The following EPS15 variants were observed in gnomAD, a reference collection of about 807,000 sequenced individuals.
The protein encoded by EPS15 is epidermal growth factor receptor pathway substrate 15.
In EPS15, 72 loss-of-function variants were observed where a neutral mutation model predicts 113.8. The observed-to-expected ratio is 0.63, with a 90% confidence interval of 0.52 to 0.77. The LOEUF (loss-of-function observed/expected upper bound fraction) is 0.77, where lower values mean the gene tolerates loss of function less well. Ranked by LOEUF, EPS15 falls within the 30% of genes least tolerant of loss-of-function variation. The probability of loss-of-function intolerance (pLI) is 0.00; values close to 1 mark genes in which losing one functional copy is unlikely to be tolerated. For synonymous variants in EPS15, 344 were observed against 363.4 expected (o/e 0.95, Z 0.61); for missense variants, 1,048 against 1,045.8 (o/e 1.00, Z -0.03).
chr1:51,513,065 A>C (rs1477979576), intron 1 of EPS15, among the ~76,000 whole-genome samples: 1 of 152,022 alleles, frequency 6.6e-6, no homozygotes, highest in African/African-American at 2.4e-5. Flanking sequence ...TCTTGGCTTC[A>C]ATCAATCCTT....
At chr1:51,518,891 G>A (rs1399235773) in intron 1 of EPS15, among the ~76,000 whole-genome samples, 1 of 151,604 alleles carries the variant, frequency 6.6e-6, no homozygotes, top group African/African-American at 2.4e-5. Flanking sequence ...GAGCCGGCCC[G>A]GCACCGGCAG....
At chr1:51,435,153 A>T (rs1283306360) in intron 12 of EPS15, among the ~76,000 whole-genome samples, 1 of 151,814 alleles carries the variant, frequency 6.6e-6, no homozygotes, top group Non-Finnish European at 1.5e-5. Context: ...AGGATTCAAA[A>T]ACCTTTTATA....
At chr1:51,385,892 A>G (rs1348530731) in intron 21 of EPS15, among the ~76,000 whole-genome samples, 1 of 152,084 alleles carries the variant, frequency 6.6e-6, no homozygotes, top group Admixed American at 6.6e-5. Flanking sequence ...GAGGATAGGG[A>G]GTTATTATTT....
chr1:51,427,212 G>C (rs1453372204), intron 12 of EPS15, among the ~76,000 whole-genome samples: 2 of 152,134 alleles, frequency 1.3e-5, no homozygotes, highest in Non-Finnish European at 2.9e-5. Flanking sequence ...AGTTTCTGCA[G>C]CTATAAAATG....
At chr1:51,459,994 T>C (rs1286508669) in intron 8 of EPS15, among the ~76,000 whole-genome samples, 2 of 151,890 alleles carry the variant, frequency 1.3e-5, no homozygotes, top group Non-Finnish European at 2.9e-5. Flanking sequence ...TTAAACATCA[T>C]TAAATTAAAA....
At chr1:51,357,412 ATATATATATATATATTTT>A (rs1198430158) in intron 24 of EPS15, among the ~76,000 whole-genome samples, 2 of 59,292 alleles carry the variant, frequency 3.4e-5, no homozygotes, top group Non-Finnish European at 5.9e-5. Context: ...ATATATATAT[ATATATATATATATATTTT>A]TTTTTTTTAA....
intron 2 of EPS15, among the ~76,000 whole-genome samples, chr1:51,479,700 T>G (rs1643985212): frequency 6.6e-6 from 1 of 152,250 alleles, no homozygotes; most frequent in South Asian, 2.1e-4. Context: ...TTTGTTTTTC[T>G]TCTTAGGATG....
intron 11 of EPS15, among the ~76,000 whole-genome samples, chr1:51,443,821 T>G (rs1044032462): frequency 1.3e-5 from 2 of 151,956 alleles, no homozygotes; most frequent in Non-Finnish European, 2.9e-5. Context: ...CCTGGCTAAT[T>G]TTTTTGTTTT....
At position 51,447,013 on chromosome 1, in the gene EPS15, G is replaced by A. The variant is rs1653112752; in HGVS notation, c.744C>T (p.Val248=). The A allele has an allele frequency of 6.2e-7, 1 of 1,613,210 alleles. No individual in the cohort carries two copies. The highest frequency in any genetic ancestry group is 1.1e-5 in the South Asian group (1 of 91,050). ...AACCTGTTTTCAAGAATATTTCACG[G>A]ACCTCCAATCCAGACACAAATCCGT... ...DMDGFVSGLE[V]REIFLKTGLP... Residue 248 remains valine, a synonymous_variant, in exon 10 of 25, where the codon GTC becomes GTT. Coordinates refer to ENST00000371733, the MANE Select transcript of EPS15 (RefSeq NM_001981.3).
At chr1:51,451,505 A>AAAAAGAAAGAAAGAAAG (rs763389428) in intron 8 of EPS15, among the ~76,000 whole-genome samples, 9 of 147,554 alleles carry the variant, frequency 6.1e-5, no homozygotes, top group African/African-American at 2.3e-4. Flanking sequence ...AAAAAAAAAA[A>AAAAAGAAAGAAAGAAAG]AAAGAAAGAA....
rs539991657 is a variant in EPS15, at chr1:51,408,933, G to A, written c.1276-601C>T. Reference sequence around the variant, plus strand: ...TCCTGGCTCAGCCTGCCGAGTAGCTGGGACTACAGGCACCCGCCACCGCCC... The same window carrying A: ...TCCTGGCTCAGCCTGCCGAGTAGCTAGGACTACAGGCACCCGCCACCGCCC... On this transcript the variant is annotated intron_variant, in intron 14 of 24. Transcript: ENST00000371733. 9.9e-5 allele frequency among the ~76,000 whole-genome samples: 15 copies of A among 151,956 alleles called. No individual in the cohort carries two copies. The Middle Eastern group carries it at 0.01, about 103-fold the overall frequency.
intron 21 of EPS15, among the ~76,000 whole-genome samples, chr1:51,391,957 C>T (rs1162893214): frequency 6.6e-6 from 1 of 152,034 alleles, no homozygotes; most frequent in East Asian, 1.9e-4. Context: ...GAAAAATGAG[C>T]CTGGGGTTCA....
intron 7 of EPS15, among the ~76,000 whole-genome samples, chr1:51,461,564 T>C (rs955824726): frequency 6.8e-6 from 1 of 146,562 alleles, no homozygotes; most frequent in Non-Finnish European, 1.5e-5. Context: ...TGTTGAGAGT[T>C]AAAAATGGAG....
At position 51,503,739 on chromosome 1, in the gene EPS15, A is replaced by G. The variant is rs978972823; in HGVS notation, c.33+15460T>C. Among the ~76,000 whole-genome samples the G allele has an allele frequency of 2.0e-5, 3 of 152,256 alleles. No homozygotes were observed. In the South Asian group the frequency reaches 6.2e-4, roughly 32 times the overall value. On this transcript the variant is annotated intron_variant, in intron 1 of 24. Transcript: ENST00000371733. ...TACTCAAGACAGTGTTGTACTGCAC[A>G]GGACATATAGATCAATGGAACAGAA... is the stretch of plus-strand genomic sequence containing the variant.
At chr1:51,413,513 G>C (rs1400418223) in intron 13 of EPS15, among the ~76,000 whole-genome samples, 1 of 152,170 alleles carries the variant, frequency 6.6e-6, no homozygotes, top group Non-Finnish European at 1.5e-5. Context: ...CTGACAGAAA[G>C]AAAAGACTTA....
At chr1:51,451,505 A>AAAAG (rs1553128773) in intron 8 of EPS15, among the ~76,000 whole-genome samples, 22 of 147,556 alleles carry the variant, frequency 1.5e-4, no homozygotes, top group Admixed American at 6.1e-4. Context: ...AAAAAAAAAA[A>AAAAG]AAAGAAAGAA....
intron 21 of EPS15, among the ~76,000 whole-genome samples, chr1:51,380,064 A>G (rs935080149): frequency 2.0e-5 from 3 of 151,722 alleles, no homozygotes; most frequent in Non-Finnish European, 2.9e-5. Context: ...CAGGAAAAAA[A>G]AAAAAAAAAA....
chr1:51,477,193 T>C (rs1279203458), intron 2 of EPS15, among the ~76,000 whole-genome samples: 1 of 152,182 alleles, frequency 6.6e-6, no homozygotes, highest in Admixed American at 6.5e-5. Flanking sequence ...GAGGGTGTAG[T>C]GTCCAGGAAT....
intron 2 of EPS15, among the ~76,000 whole-genome samples, chr1:51,479,104 T>C (rs1434808652): frequency 6.6e-6 from 1 of 152,230 alleles, no homozygotes; most frequent in African/African-American, 2.4e-5. Context: ...CAATCAGACG[T>C]AGATTTGGTC....
Sources: allele counts gnomAD v4.1 joint callset (sites outside exome capture counted in the v4.1 genomes callset), GRCh38; gene constraint gnomAD v4.1.1; transcripts MANE v1.5; gene names NCBI Gene and HGNC (gene_info 2026-07-23, HGNC 2026-07-21).